Variants in ARHGEF3 observed in about 807,000 individuals in gnomAD.
The protein encoded by ARHGEF3 is 59.8 kDA protein.
In ARHGEF3, 28 loss-of-function variants were observed where a neutral mutation model predicts 63.2. The observed-to-expected ratio is 0.44, with a 90% CI of 0.33 to 0.61. ARHGEF3 has a LOEUF of 0.61. Among genes scored for constraint, ARHGEF3 ranks in the 20% least tolerant of loss-of-function variants. The pLI, the probability that ARHGEF3 is intolerant of heterozygous loss-of-function variation, is 0.03. For missense variants in ARHGEF3, 533 were observed against 659.3 expected (o/e 0.81, Z 2.10); for synonymous variants, 266 against 254.2 (o/e 1.05, Z -0.44).
intron 2 of ARHGEF3, among the ~76,000 whole-genome samples, chr3:57,013,226 G>A (rs1702783116): frequency 1.3e-5 from 2 of 152,192 alleles, no homozygotes; most frequent in South Asian, 4.1e-4. Flanking sequence ...CCATCCCATC[G>A]ACGGCCCAAG....
intron 2 of ARHGEF3, among the ~76,000 whole-genome samples, chr3:56,995,430 T>C (rs995363166): frequency 6.6e-6 from 1 of 152,174 alleles, no homozygotes; most frequent in Admixed American, 6.5e-5. Context: ...ATTTTAACTT[T>C]GTTTATATGC....
At chr3:56,774,792 G>C (rs1007721758) in intron 1 of ARHGEF3, among the ~76,000 whole-genome samples, 1 of 151,980 alleles carries the variant, frequency 6.6e-6, no homozygotes, top group African/African-American at 2.4e-5. Flanking sequence ...CCAGCTACTC[G>C]GGAGGCGTGG....
At chr3:57,071,527 A>T (rs1163579144) in intron 1 of ARHGEF3, among the ~76,000 whole-genome samples, 1 of 151,742 alleles carries the variant, frequency 6.6e-6, no homozygotes, top group Non-Finnish European at 1.5e-5. Flanking sequence ...GGGTGTGATG[A>T]TGCACACCTG....
chr3:56,845,148 A>C (rs1245059389), intron 4 of ARHGEF3, among the ~76,000 whole-genome samples: 1 of 152,198 alleles, frequency 6.6e-6, no homozygotes, highest in Non-Finnish European at 1.5e-5. Flanking sequence ...TGCTGCCAAC[A>C]GTCATGTAAG....
intron 2 of ARHGEF3, among the ~76,000 whole-genome samples, chr3:56,967,044 G>A (rs754196845): frequency 6.6e-4 from 99 of 149,030 alleles, no homozygotes; most frequent in Admixed American, 1.6e-3. Context: ...TGTATTTTTA[G>A]TAGAGACAGG....
intron 2 of ARHGEF3, among the ~76,000 whole-genome samples, chr3:56,768,539 A>G (rs1285718011): frequency 6.6e-6 from 1 of 152,072 alleles, no homozygotes; most frequent in Non-Finnish European, 1.5e-5. Flanking sequence ...TCAGCCCATA[A>G]AGATAATATT....
At chr3:56,979,331 CAA>C (rs1701238392) in intron 2 of ARHGEF3, among the ~76,000 whole-genome samples, 10 of 152,244 alleles carry the variant, frequency 6.6e-5, no homozygotes, top group Non-Finnish European at 1.2e-4. Context: ...CAGATATATT[CAA>C]CTGTTTGCCC....
At chr3:57,058,972 T>C (rs181521459) in intron 1 of ARHGEF3, among the ~76,000 whole-genome samples, 41 of 121,116 alleles carry the variant, frequency 3.4e-4, no homozygotes, top group Admixed American at 6.8e-4. Flanking sequence ...AAGGGGAACA[T>C]CACACACCAG....
chr3:56,900,543 T>C (rs1317534855), intron 3 of ARHGEF3, among the ~76,000 whole-genome samples: 1 of 152,062 alleles, frequency 6.6e-6, no homozygotes, highest in Non-Finnish European at 1.5e-5. Flanking sequence ...GGCAGGAGGA[T>C]TGACTGAGCC....
chr3:56,983,905 C>T (rs1701427291), intron 2 of ARHGEF3, among the ~76,000 whole-genome samples: 1 of 142,176 alleles, frequency 7.0e-6, no homozygotes. Flanking sequence ...CACCGCACTC[C>T]AGCCTAGTGA....
chr3:56,886,976 G>T, intron 3 of ARHGEF3, among the ~76,000 whole-genome samples: 1 of 152,200 alleles, frequency 6.6e-6, no homozygotes, highest in East Asian at 1.9e-4. Flanking sequence ...GTCTAGGAAG[G>T]TGTTGAGCAT....
intron 7 of ARHGEF3, among the ~76,000 whole-genome samples, chr3:56,742,303 G>A (rs926793394): frequency 5.3e-5 from 8 of 152,034 alleles, no homozygotes; most frequent in African/African-American, 1.9e-4. Flanking sequence ...TGGAATATCT[G>A]AATATCCAAA....
At chr3:56,821,727 G>C (rs557705373) in intron 4 of ARHGEF3, among the ~76,000 whole-genome samples, 1 of 152,254 alleles carries the variant, frequency 6.6e-6, no homozygotes, top group East Asian at 1.9e-4. Context: ...ACTTTGGGAG[G>C]CCGAGGTGGG....
At chr3:57,039,179 C>T (rs1477282490) in intron 1 of ARHGEF3, among the ~76,000 whole-genome samples, 2 of 152,232 alleles carry the variant, frequency 1.3e-5, no homozygotes, top group East Asian at 1.9e-4. Context: ...CTCTCCTCAG[C>T]TGGCAGGATC....
chr3:56,841,427 C>T (rs992379824), intron 4 of ARHGEF3, among the ~76,000 whole-genome samples: 1 of 152,152 alleles, frequency 6.6e-6, no homozygotes, highest in African/African-American at 2.4e-5. Context: ...ACATAACTTA[C>T]CCAGTTAGTT....
At chr3:57,063,058 C>T (rs774594057) in intron 1 of ARHGEF3, among the ~76,000 whole-genome samples, 12 of 152,254 alleles carry the variant, frequency 7.9e-5, no homozygotes, top group Non-Finnish European at 1.6e-4. Context: ...GCAGTGGTAA[C>T]GGTTTAGACA....
At chr3:57,036,460 T>C (rs1031748504) in intron 1 of ARHGEF3, among the ~76,000 whole-genome samples, 1 of 152,072 alleles carries the variant, frequency 6.6e-6, no homozygotes, top group Admixed American at 6.6e-5. Flanking sequence ...GCGTGGAGGA[T>C]TCCTCCCACT....
At chr3:56,950,776 T>C (rs1337694526) in intron 3 of ARHGEF3, among the ~76,000 whole-genome samples, 3 of 152,036 alleles carry the variant, frequency 2.0e-5, no homozygotes, top group Non-Finnish European at 4.4e-5. Context: ...ATCCCATTAC[T>C]GGGTATATAC....
chr3:56,926,119 G>A (rs1245241799), intron 3 of ARHGEF3, among the ~76,000 whole-genome samples: 1 of 152,206 alleles, frequency 6.6e-6, no homozygotes, highest in African/African-American at 2.4e-5. Context: ...AGAGGAAGAA[G>A]CCAGGGACCA....
Sources: allele counts gnomAD v4.1 joint callset (sites outside exome capture counted in the v4.1 genomes callset), GRCh38; gene constraint gnomAD v4.1.1; transcripts MANE v1.5; gene names NCBI Gene and HGNC (gene_info 2026-07-23, HGNC 2026-07-21).